The following ZHX3 variants were observed in gnomAD, a reference collection of about 807,000 sequenced individuals.
The protein encoded by ZHX3 is zinc fingers and homeoboxes protein 3.
ZHX3 carries 20 observed loss-of-function variants against 64.5 expected under a neutral mutation model. The observed-to-expected ratio is 0.31, with a 90% CI of 0.22 to 0.45. The LOEUF (loss-of-function observed/expected upper bound fraction) is 0.45. Among genes scored for constraint, ZHX3 ranks in the 20% least tolerant of loss-of-function variants. The pLI is 1.00. For missense variants in ZHX3, 1,041 were observed against 1,195.8 expected, an observed-to-expected ratio of 0.87 and a Z score of 1.91; for synonymous variants, 423 against 461.6, an observed-to-expected ratio of 0.92 and a Z score of 1.07.
chr20:41,243,481 A>G (rs116440500), intron 2 of ZHX3, among the ~76,000 whole-genome samples: 120 of 152,236 alleles, frequency 7.9e-4, no homozygotes, highest in African/African-American at 2.7e-3. Flanking sequence ...CACTGACTCA[A>G]ACAGTCTTAG....
chr20:41,195,670 C>A lies in ZHX3; in HGVS notation c.2860+6387G>T, dbSNP rs2037423678. ...ACCTCAGGTGATCCACCCACCTTAG[C>A]CTCCCAAAGTGTGGGGATTACAGGC... On this transcript the variant is annotated intron_variant, in intron 3 of 3. Transcript: ENST00000683867. The surrounding 1 kb of genome is among the most constrained non-coding windows in gnomAD (Gnocchi z 4.2). Among the ~76,000 whole-genome samples the A allele has an allele frequency of 6.6e-6, 1 of 152,214 alleles. No individual in the cohort carries two copies. Among genetic ancestry groups the A allele is most frequent in the South Asian group, 2.1e-4 (1 of 4,834 alleles).
chr20:41,209,394 T>C (rs532825533), intron 2 of ZHX3, among the ~76,000 whole-genome samples: 1 of 152,224 alleles, frequency 6.6e-6, no homozygotes, highest in African/African-American at 2.4e-5. Flanking sequence ...CTATCCTAAG[T>C]CAAAAGAACA....
chr20:41,199,593 A>T (rs999986560), intron 3 of ZHX3, among the ~76,000 whole-genome samples: 13 of 152,082 alleles, frequency 8.5e-5, no homozygotes, highest in Non-Finnish European at 1.6e-4. Flanking sequence ...GTCTCTTTAA[A>T]TCCCCTTGTG....
chr20:41,306,153 A>C (rs1242992354), intron 1 of ZHX3, among the ~76,000 whole-genome samples: 2 of 152,138 alleles, frequency 1.3e-5, no homozygotes, highest in Non-Finnish European at 2.9e-5. Context: ...GAATTAGTGA[A>C]ATGTTAATAT....
chr20:41,253,886 G>A (rs570924058), intron 2 of ZHX3, among the ~76,000 whole-genome samples: 1 of 151,642 alleles, frequency 6.6e-6, no homozygotes, highest in South Asian at 2.1e-4. Context: ...TGGGTATATG[G>A]TTGTTCATGG....
At chr20:41,274,942 G>C (rs1422100372) in intron 1 of ZHX3, among the ~76,000 whole-genome samples, 2 of 152,068 alleles carry the variant, frequency 1.3e-5, no homozygotes, top group Non-Finnish European at 2.9e-5. Context: ...GGATCAACTG[G>C]GGTCAGAAGT....
At chr20:41,234,673 T>TA (rs756337182) in intron 2 of ZHX3, among the ~76,000 whole-genome samples, 4 of 152,188 alleles carry the variant, frequency 2.6e-5, no homozygotes, top group Non-Finnish European at 5.9e-5. Flanking sequence ...AGTGTAAAAA[T>TA]AGGTCACTGC....
intron 3 of ZHX3, among the ~76,000 whole-genome samples, chr20:41,194,379 G>C (rs546099580): frequency 1.3e-5 from 2 of 152,198 alleles, no homozygotes; most frequent in African/African-American, 4.8e-5. Context: ...GAATTACATT[G>C]ATATTCATGT....
chr20:41,198,851 A>G (rs1949333491), intron 3 of ZHX3, among the ~76,000 whole-genome samples: 1 of 152,278 alleles, frequency 6.6e-6, no homozygotes, highest in South Asian at 2.1e-4. Context: ...TATAATAACT[A>G]TATGAATATA....
intron 1 of ZHX3, among the ~76,000 whole-genome samples, chr20:41,316,235 A>AT (rs1253446010): frequency 6.6e-6 from 1 of 152,196 alleles, no homozygotes; most frequent in African/African-American, 2.4e-5. Context: ...TTTCCAAGGC[A>AT]GCAACAGAAG....
intron 2 of ZHX3, among the ~76,000 whole-genome samples, chr20:41,211,926 G>A (rs2039186085): frequency 6.6e-6 from 1 of 152,010 alleles, no homozygotes; most frequent in Non-Finnish European, 1.5e-5. Flanking sequence ...CCCAAATCAG[G>A]GAAACTAAAA....
rs2040151366 is a variant in ZHX3, at chr20:41,224,698, GA to G, written c.-150-19633del. 6.6e-6 allele frequency among the ~76,000 whole-genome samples: 1 copy of G among 152,194 alleles called. No homozygotes were observed. Among genetic ancestry groups the G allele is most frequent in the African/African-American group, 2.4e-5 (1 of 41,448 alleles). The stretch of plus-strand genomic sequence containing the variant: ...GATTCTTTCATCACAAGGCCATTTG[GA>G]TACACGTTTTCAGACACTCATTTAT... On this transcript the variant is annotated intron_variant, in intron 2 of 3. Transcript: ENST00000683867. This position sits in a 1 kb window ranked among gnomAD's most constrained non-coding sequence, Gnocchi z 5.2.
rs768259629 is a variant in ZHX3 at position 41,219,958 on chromosome 20, A to C, written c.-150-14892T>G. On this transcript the variant is annotated intron_variant, in intron 2 of 3. Transcript: ENST00000683867. The surrounding 1 kb of genome is among the most constrained non-coding windows in gnomAD (Gnocchi z 5.0). ...AATAGCTGACCTGCCATGTACATGC[A>C]GTATGAACAAGAAATAACCTTTGTC... Among the ~76,000 whole-genome samples the C allele has an allele frequency of 2.0e-5, 3 of 152,282 alleles. No homozygotes were observed. The highest frequency in any genetic ancestry group is 6.3e-3 in the Middle Eastern group (2 of 316).
intron 2 of ZHX3, among the ~76,000 whole-genome samples, chr20:41,205,665 C>T (rs1239150171): frequency 5.9e-5 from 9 of 152,114 alleles, no homozygotes; most frequent in South Asian, 2.1e-4. Context: ...CACAGAAAAG[C>T]GATCACCTTA....
intron 3 of ZHX3, among the ~76,000 whole-genome samples, chr20:41,187,010 T>C (rs1171337454): frequency 6.6e-6 from 1 of 152,146 alleles, no homozygotes; most frequent in Non-Finnish European, 1.5e-5. Flanking sequence ...TTGCCTATGC[T>C]TTGAGTGTCA....
intron 2 of ZHX3, among the ~76,000 whole-genome samples, chr20:41,227,855 G>A (rs1475400153): frequency 1.3e-5 from 2 of 152,084 alleles, no homozygotes; most frequent in Non-Finnish European, 2.9e-5. Flanking sequence ...TATCATAGTG[G>A]TATTACTTGA....
chr20:41,257,939 CTT>C (rs1307558015), intron 2 of ZHX3, among the ~76,000 whole-genome samples: 1 of 139,784 alleles, frequency 7.2e-6, no homozygotes, highest in Non-Finnish European at 1.5e-5. Context: ...GAGTTTTGCT[CTT>C]GTCAGCCAGG....
chr20:41,298,494 G>C (rs2044647464), intron 1 of ZHX3, among the ~76,000 whole-genome samples: 1 of 152,130 alleles, frequency 6.6e-6, no homozygotes, highest in African/African-American at 2.4e-5. Flanking sequence ...CTGCACCCTA[G>C]GGCTTAAAAG....
rs1457310255 is a variant in ZHX3 at position 41,203,904 on chromosome 20, G to C, written c.1013C>G (p.Thr338Ser). Residue 338 changes from threonine (T) to serine (S), a missense_variant, in exon 3 of 4, where the codon ACT becomes AGT. Around this residue, in one of 4 missense-constraint regions of ZHX3, gnomAD observed 28 missense variants for 66.7 expected, o/e 0.42. Transcript: ENST00000683867. The surrounding 1 kb of genome is among the most constrained non-coding windows in gnomAD (Gnocchi z 7.1). ...YPTKAELCYL[T>S]VVTKYPEEQL... ...TTCTTCTGGATACTTGGTCACCACAGTCAAATAGCAGAGCTCGGCTTTGGT... is the reference window on the plus strand; with the variant it reads ...TTCTTCTGGATACTTGGTCACCACACTCAAATAGCAGAGCTCGGCTTTGGT... The C allele has an allele frequency of 6.2e-7, 1 of 1,614,122 alleles. No individual in the cohort carries two copies.
Sources: allele counts gnomAD v4.1 joint callset (sites outside exome capture counted in the v4.1 genomes callset), GRCh38; gene constraint gnomAD v4.1.1; regional missense constraint gnomAD v4.1.1; non-coding constraint Gnocchi (gnomAD v3.1); transcripts MANE v1.5; gene names NCBI Gene and HGNC (gene_info 2026-07-23, HGNC 2026-07-21).